The following PAPPA2 variants were observed in gnomAD, a reference collection of about 807,000 sequenced individuals.
PAPPA2 encodes the protein pappalysin-2.
PAPPA2 carries 86 observed loss-of-function variants against 176.4 expected under a neutral mutation model. That is an observed-to-expected ratio of 0.49 (90% CI 0.41 to 0.58). The LOEUF is 0.58. PAPPA2 is among the 20% of genes least tolerant of loss of function. The probability of loss-of-function intolerance (pLI) is 0.00; values close to 1 mark genes in which losing one functional copy is unlikely to be tolerated. For synonymous variants in PAPPA2, 809 were observed against 852.2 expected (o/e 0.95, Z 0.88); for missense variants, 2,073 against 2,256.9 (o/e 0.92, Z 1.65).
At chr1:176,687,831 G>A (rs1659918876) in intron 4 of PAPPA2, among the ~76,000 whole-genome samples, 2 of 151,948 alleles carry the variant, frequency 1.3e-5, no homozygotes, top group South Asian at 2.1e-4. Flanking sequence ...ATTCTACCCC[G>A]GACAGGTTCT....
chr1:176,502,430 A>G (rs529577588), intron 1 of PAPPA2, among the ~76,000 whole-genome samples: 1 of 152,306 alleles, frequency 6.6e-6, no homozygotes, highest in South Asian at 2.1e-4. Context: ...GGCTAATGCA[A>G]TTGATATGAT....
chr1:176,514,010 C>T (rs1029879408), intron 1 of PAPPA2, among the ~76,000 whole-genome samples: 2 of 152,154 alleles, frequency 1.3e-5, no homozygotes, highest in African/African-American at 4.8e-5. Context: ...CTTATTACCA[C>T]AATTTTATGG....
intron 3 of PAPPA2, among the ~76,000 whole-genome samples, chr1:176,635,019 A>C (rs1656615350): frequency 6.6e-6 from 1 of 152,068 alleles, no homozygotes; most frequent in Non-Finnish European, 1.5e-5. Context: ...AGATAGATGC[A>C]CAGCAAAGCA....
chr1:176,826,489 G>C (rs574745115), intron 21 of PAPPA2, among the ~76,000 whole-genome samples: 1 of 152,300 alleles, frequency 6.6e-6, no homozygotes, highest in African/African-American at 2.4e-5. Context: ...TTCCATATGG[G>C]TGAAAGTGAG....
intron 3 of PAPPA2, among the ~76,000 whole-genome samples, chr1:176,660,336 T>TTG (rs34294866): frequency 0.22 from 26,805 of 121,852 alleles, 2,408 homozygotes; most frequent in Middle Eastern, 0.35. Context: ...AATTGTTTGT[T>TTG]TGTGTGTGTG....
chr1:176,794,635 G>A (rs1665343061), intron 20 of PAPPA2, among the ~76,000 whole-genome samples: 1 of 152,112 alleles, frequency 6.6e-6, no homozygotes, highest in Admixed American at 6.6e-5. Flanking sequence ...GGAACTAATG[G>A]CTATTCACTG....
At chr1:176,646,620 G>T (rs918883122) in intron 3 of PAPPA2, among the ~76,000 whole-genome samples, 1 of 150,088 alleles carries the variant, frequency 6.7e-6, no homozygotes, top group Non-Finnish European at 1.5e-5. Flanking sequence ...GAGTTCAATT[G>T]TTTTAATTTT....
intron 1 of PAPPA2, among the ~76,000 whole-genome samples, chr1:176,534,936 C>T (rs1380444233): frequency 6.6e-6 from 1 of 152,134 alleles, no homozygotes; most frequent in Non-Finnish European, 1.5e-5. Context: ...TTGCAAATTG[C>T]TGAATGTCTT....
At chr1:176,744,179 A>G (rs544945789) in intron 14 of PAPPA2, among the ~76,000 whole-genome samples, 24 of 152,260 alleles carry the variant, frequency 1.6e-4, no homozygotes, top group Non-Finnish European at 3.2e-4. Context: ...CTTTATTAGG[A>G]TCATACATCT....
chr1:176,694,373 A>G (rs375179910), intron 6 of PAPPA2, among the ~76,000 whole-genome samples: 1 of 152,252 alleles, frequency 6.6e-6, no homozygotes, highest in Admixed American at 6.5e-5. Context: ...TAGGCAATTT[A>G]CTTAACCTCT....
At chr1:176,650,122 A>G (rs1203934564) in intron 3 of PAPPA2, among the ~76,000 whole-genome samples, 1 of 151,514 alleles carries the variant, frequency 6.6e-6, no homozygotes, top group East Asian at 1.9e-4. Context: ...ATCTCGCTCA[A>G]TTGTCCCCTT....
At chr1:176,617,409 C>T (rs975399955) in intron 3 of PAPPA2, among the ~76,000 whole-genome samples, 2 of 152,070 alleles carry the variant, frequency 1.3e-5, no homozygotes, top group Non-Finnish European at 2.9e-5. Flanking sequence ...GATTTTGGTG[C>T]ATCCGTCACA....
chr1:176,514,270 C>T (rs977110782), intron 1 of PAPPA2, among the ~76,000 whole-genome samples: 1 of 152,032 alleles, frequency 6.6e-6, no homozygotes, highest in East Asian at 1.9e-4. Context: ...AGAGAGGAGG[C>T]GGTGTCAGAC....
intron 1 of PAPPA2, among the ~76,000 whole-genome samples, chr1:176,544,874 T>C (rs1392307406): frequency 1.3e-5 from 2 of 152,150 alleles, no homozygotes; most frequent in African/African-American, 4.8e-5. Flanking sequence ...GATTCCTGGC[T>C]TACTGAAAAA....
At chr1:176,642,459 C>A (rs2102729735) in intron 3 of PAPPA2, among the ~76,000 whole-genome samples, 1 of 151,848 alleles carries the variant, frequency 6.6e-6, no homozygotes, top group East Asian at 2.0e-4. Flanking sequence ...TGGAAAACTA[C>A]CAGTAGTTTG....
chr1:176,490,931 AC>A (rs1278178874), intron 1 of PAPPA2, among the ~76,000 whole-genome samples: 2 of 152,292 alleles, frequency 1.3e-5, no homozygotes, highest in Non-Finnish European at 2.9e-5. Flanking sequence ...TAACTTACCT[AC>A]CACAAGATGT....
intron 1 of PAPPA2, among the ~76,000 whole-genome samples, chr1:176,487,933 G>T (rs1254868562): frequency 2.0e-5 from 3 of 152,144 alleles, no homozygotes; most frequent in Admixed American, 2.0e-4. Context: ...CAGAAACAAC[G>T]AGGTTGATGT....
chr1:176,481,252 GCACACACACACACACACACACA>G (rs56206580), intron 1 of PAPPA2, among the ~76,000 whole-genome samples: 18,406 of 140,286 alleles, frequency 0.13, 1,228 homozygotes, highest in Middle Eastern at 0.21. Context: ...AGATTTTAAA[GCACACACACACACACACACACA>G]CACACACACA....
At chr1:176,675,978 A>G (rs543433634) in intron 4 of PAPPA2, among the ~76,000 whole-genome samples, 47 of 152,228 alleles carry the variant, frequency 3.1e-4, no homozygotes, top group Non-Finnish European at 5.1e-4. Flanking sequence ...TCTATGAAAC[A>G]ATGTTCAATA....
Sources: allele counts gnomAD v4.1 joint callset (sites outside exome capture counted in the v4.1 genomes callset), GRCh38; gene constraint gnomAD v4.1.1; transcripts MANE v1.5; gene names NCBI Gene and HGNC (gene_info 2026-07-23, HGNC 2026-07-21).